ZNF561: variants seen among roughly 807,000 people sequenced by gnomAD.
ZNF561 encodes zinc finger protein 561.
Under a neutral mutation model 16.7 loss-of-function variants are expected in ZNF561, and 16 were observed. The observed-to-expected ratio is 0.96, with a 90% CI of 0.65 to 1.45. The LOEUF is 1.45. Among genes scored for constraint, ZNF561 ranks in the 40% most tolerant of loss-of-function variants. The pLI is 0.00. For missense variants in ZNF561, 580 were observed against 578.0 expected (o/e 1.00, Z -0.04); for synonymous variants, 190 against 192.1 (o/e 0.99, Z 0.09).
intron 4 of ZNF561, among the ~76,000 whole-genome samples, chr19:9,615,770 A>AT (rs375562136): frequency 0.11 from 16,827 of 148,190 alleles, 1,593 homozygotes; most frequent in African/African-American, 0.24. Flanking sequence ...AAAAAAAAAA[A>AT]TTTAACTGGG....
rs2074401088 is a variant in ZNF561, at chr19:9,609,147, C to T, written c.*1053G>A. On this transcript the variant is annotated 3_prime_UTR_variant, in exon 6 of 6. Transcript: ENST00000302851. Reference sequence around the variant, plus strand: ...TCCTGTTGCAGATAACAAGCCAGAGCCTGTCCCTTTCTTTCTTGTAAGGAA... The same window carrying T: ...TCCTGTTGCAGATAACAAGCCAGAGTCTGTCCCTTTCTTTCTTGTAAGGAA... 1 of 152,214 alleles carries T rather than the reference C, an allele frequency of 6.6e-6. No homozygotes were observed. The highest frequency in any genetic ancestry group is 2.4e-5 in the African/African-American group (1 of 41,458). 9.4% of individuals were successfully genotyped at this position (152,214 alleles called of 1,614,324 possible). A position where few individuals can be genotyped will look rare whatever the true frequency, so the allele number is the denominator to read the frequency against.
chr19:9,613,819 T>G lies in ZNF561; in HGVS notation c.324+202A>C, dbSNP rs77424506. Among the ~76,000 whole-genome samples, 1,411 of 152,268 alleles carry G rather than the reference T, an allele frequency of 9.3e-3. 7 individuals carry two copies. Among genetic ancestry groups the G allele is most frequent in the Middle Eastern group, 0.024 (7 of 294 alleles). ...GGTGTGAGTCACCACATTCACCTTC[T>G]TTTTAAAATCAGAGATGGGATCTTA... On this transcript the variant is annotated intron_variant, in intron 5 of 5. Coordinates refer to ENST00000302851, the MANE Select transcript of ZNF561 (RefSeq NM_152289.3).
chr19:9,612,536 G>T (rs910191878), intron 5 of ZNF561, among the ~76,000 whole-genome samples: 1 of 151,958 alleles, frequency 6.6e-6, no homozygotes, highest in African/African-American at 2.4e-5. Flanking sequence ...TTTTTATAGA[G>T]ACAAAGTCTT....
At position 9,617,245 on chromosome 19, in the gene ZNF561, G is replaced by A. The variant is rs1295177175; in HGVS notation, c.115-74C>T. On this transcript the variant is annotated intron_variant, in intron 3 of 5. Transcript: ENST00000302851. ...ATATTCACTGGAGAATGATGAAGGGGAACCTTATACTCACTTACACGTGGT... is the reference window on the plus strand; with the variant it reads ...ATATTCACTGGAGAATGATGAAGGGAAACCTTATACTCACTTACACGTGGT... The A allele has an allele frequency of 2.6e-6, 4 of 1,543,154 alleles. 1 individual carries two copies. The South Asian group carries it at 3.8e-5, about 14-fold the overall frequency.
At chr19:9,612,795 A>G (rs1209038638) in intron 5 of ZNF561, among the ~76,000 whole-genome samples, 1 of 152,008 alleles carries the variant, frequency 6.6e-6, no homozygotes, top group African/African-American at 2.4e-5. Flanking sequence ...GGGTTTTTTT[A>G]TTATTATGCA....
chr19:9,618,034 T>G, intron 3 of ZNF561, 57 bp downstream of exon 3: 1 of 1,469,572 alleles, frequency 6.8e-7, no homozygotes, highest in Non-Finnish European at 9.3e-7. Context: ...GAAAGAAATC[T>G]GTCTACCTAT....
In ZNF561 at chr19:9,619,527, A is replaced by C. The variant is rs767938733; in HGVS notation, c.-71T>G. The C allele has an allele frequency of 3.2e-6, 5 of 1,552,716 alleles. No individual in the cohort carries two copies. In the South Asian group the frequency reaches 4.5e-5, roughly 14 times the overall value. On this transcript the variant is annotated 5_prime_UTR_variant, in exon 2 of 6. It adds an upstream start codon to the 5' untranslated region. Transcript: ENST00000302851. ...CAAGATCACCTCAGGCCAGCTTATG[A>C]ATCTAGGTGGATAGAGGCAATCTCC...
Position 9,611,196 on chromosome 19 carries a change from G to T in ZNF561, c.465C>A (p.Thr155=), listed in dbSNP as rs575831563. 4 of 1,613,804 alleles carry T rather than the reference G, an allele frequency of 2.5e-6. No homozygotes were observed. The Admixed American group carries it at 6.7e-5, about 27-fold the overall frequency. ...TSEGNCYGKD[T]LSVHKEASTG... The stretch of plus-strand genomic sequence containing the variant: ...TAGAGGCTTCCTTGTGCACACTGAG[G>T]GTGTCTTTTCCATAACAATTACCCT... The change falls in exon 6 of 6, where the codon ACC becomes ACA. Residue 155 remains threonine, a synonymous_variant. Coordinates refer to ENST00000302851, the MANE Select transcript of ZNF561 (RefSeq NM_152289.3).
chr19:9,607,658 G>C lies in ZNF561; in HGVS notation c.*2542C>G, dbSNP rs1436355021. 1 of 152,168 alleles carries C rather than the reference G, an allele frequency of 6.6e-6. No individual in the cohort carries two copies. The allele number at this position is 152,168 out of a possible 1,614,324, so 9.4% of individuals were successfully genotyped here. On this transcript the variant is annotated 3_prime_UTR_variant, in exon 6 of 6. Coordinates refer to ENST00000302851, the MANE Select transcript of ZNF561 (RefSeq NM_152289.3). ...ACTGCTATTCATTGGTGGTGTGCTG[G>C]AGGTTGAAATTAGTCCAGTAAAGCA...
At position 9,610,591 on chromosome 19, in the gene ZNF561, C is replaced by T. The variant is rs142794018; in HGVS notation, c.1070G>A (p.Arg357Gln). 48 of 1,613,076 alleles carry T rather than the reference C, an allele frequency of 3.0e-5. No homozygotes were observed. Among genetic ancestry groups the T allele is most frequent in the Non-Finnish European group, 3.9e-5 (46 of 1,179,544 alleles). Residue 357 changes from arginine (R) to glutamine (Q), a missense_variant, in exon 6 of 6, where the codon CGA (arginine) becomes CAA (glutamine). Physicochemically the swap from Arg to Gln is conservative, Grantham distance 43. Transcript: ENST00000302851. ...ATAGGGTTTCTTTCCACTGTGACTT[C>T]GTATGTGTATAGAAAGGCCCGAGTA... ...AQYSGLSIHI[R>Q]SHSGKKPYQC...
rs2074375104 is a variant in ZNF561, at chr19:9,607,739, T to C, written c.*2461A>G. 6.6e-6 allele frequency: 1 copy of C among 152,200 alleles called. No individual in the cohort carries two copies. The highest frequency in any genetic ancestry group is 1.5e-5 in the Non-Finnish European group (1 of 68,042). The allele number at this position is 152,200 out of a possible 1,614,324, so 9.4% of individuals were successfully genotyped here. A position where few individuals can be genotyped will look rare whatever the true frequency, so the allele number is the denominator to read the frequency against. ...ACTAAAGTGGAAAAGTAAGAGTCAT[T>C]ATTTACAGATTATGTGATTGTCTAT... On this transcript the variant is annotated 3_prime_UTR_variant, in exon 6 of 6. Transcript: ENST00000302851.
intron 1 of ZNF561, among the ~76,000 whole-genome samples, chr19:9,620,157 T>C (rs1295713848): frequency 6.6e-6 from 1 of 152,162 alleles, no homozygotes; most frequent in African/African-American, 2.4e-5. Context: ...TGGCATGATC[T>C]CAACTCATTG....
Position 9,611,353 on chromosome 19 carries a change from A to C in ZNF561, c.325-17T>G. The C allele has an allele frequency of 6.3e-7, 1 of 1,582,576 alleles. No individual in the cohort carries two copies. Among genetic ancestry groups the C allele is most frequent in the East Asian group, 2.2e-5 (1 of 44,456 alleles). ...GCCTCTTGTCTGTTGATGACGAGAT[A>C]AAGGTTTTAAAACATTTTCAGACAT... is the stretch of plus-strand genomic sequence containing the variant. On this transcript the variant is annotated splice_polypyrimidine_tract_variant and intron_variant, in intron 5 of 5. Transcript: ENST00000302851.
rs188566082 is a variant in ZNF561, at chr19:9,614,984, G to A, written c.242-881C>T. On this transcript the variant is annotated intron_variant, in intron 4 of 5. Coordinates refer to ENST00000302851, the MANE Select transcript of ZNF561 (RefSeq NM_152289.3). The stretch of plus-strand genomic sequence containing the variant: ...CTCTTGACTAGCTGGGACTAAAGGC[G>A]TGTGCCACCACGTCTGGCTAATTTT... Among the ~76,000 whole-genome samples, 215 of 151,964 alleles carry A rather than the reference G, an allele frequency of 1.4e-3. 1 individual carries two copies. Among genetic ancestry groups the A allele is most frequent in the Admixed American group, 5.4e-3 (83 of 15,238 alleles).
chr19:9,610,629 T>C lies in ZNF561; in HGVS notation c.1032A>G (p.Gln344=). The C allele has an allele frequency of 6.2e-7, 1 of 1,614,062 alleles. No individual in the cohort carries two copies. Among genetic ancestry groups the C allele is most frequent in the Non-Finnish European group, 8.5e-7 (1 of 1,179,960 alleles). The change falls in exon 6 of 6, where the codon CAA becomes CAG. Residue 344 remains glutamine (Q), a synonymous_variant. Coordinates refer to ENST00000302851, the MANE Select transcript of ZNF561 (RefSeq NM_152289.3). ...AAAGGCCCGAGTACTGAGCAAAGGCTTGGCCACATTCCTTACATTCATAGG... is the reference window on the plus strand; with the variant it reads ...AAAGGCCCGAGTACTGAGCAAAGGCCTGGCCACATTCCTTACATTCATAGG... ...IKPYECKECG[Q]AFAQYSGLSI... is the part of the protein sequence containing the mutation.
intron 2 of ZNF561, among the ~76,000 whole-genome samples, chr19:9,618,402 T>A (rs2074597937): frequency 6.6e-6 from 1 of 152,172 alleles, no homozygotes; most frequent in Non-Finnish European, 1.5e-5. Context: ...GGGTAATAGT[T>A]TCATTTTTCA....
chr19:9,619,921 C>CCTATCTATCTAT (rs372679906), intron 1 of ZNF561, among the ~76,000 whole-genome samples: 2,338 of 116,202 alleles, frequency 0.02, 55 homozygotes, highest in African/African-American at 0.047. Flanking sequence ...CTATATCTAT[C>CCTATCTATCTAT]CTATCTATCT....
chr19:9,619,881 C>CTATCTATATATA (rs1568239396), intron 1 of ZNF561, among the ~76,000 whole-genome samples: 1 of 141,734 alleles, frequency 7.1e-6, no homozygotes, highest in East Asian at 2.0e-4. Context: ...CTATATCTAT[C>CTATCTATATATA]TATCTATATA....
At chr19:9,619,332 A>C (rs1397484256) in intron 2 of ZNF561, 100 bp downstream of exon 2, 1 of 1,095,100 alleles carries the variant, frequency 9.1e-7, no homozygotes, top group Non-Finnish European at 1.3e-6. Flanking sequence ...TCCTAAAAGA[A>C]CCAGCTGCAT....
Sources: allele counts gnomAD v4.1 joint callset (sites outside exome capture counted in the v4.1 genomes callset), GRCh38; gene constraint gnomAD v4.1.1; transcripts MANE v1.5; gene names NCBI Gene and HGNC (gene_info 2026-07-23, HGNC 2026-07-21).